Variants in TLE4 observed in about 807,000 individuals in gnomAD.
The protein encoded by TLE4 is transducin-like enhancer protein 4.
TLE4 carries 8 observed loss-of-function variants against 92.8 expected under a neutral mutation model. The observed-to-expected ratio is 0.09, with a 90% CI of 0.05 to 0.16. The LOEUF is 0.16. Among genes scored for constraint, TLE4 ranks in the 10% least tolerant of loss-of-function variants. TLE4 has a pLI of 1.00. For missense variants in TLE4, 675 were observed against 997.6 expected, an observed-to-expected ratio of 0.68 and a Z score of 4.36; for synonymous variants, 371 against 374.1, an observed-to-expected ratio of 0.99 and a Z score of 0.10.
At chr9:79,633,823 C>A (rs2054980522) in intron 6 of TLE4, among the ~76,000 whole-genome samples, 1 of 152,118 alleles carries the variant, frequency 6.6e-6, no homozygotes, top group Non-Finnish European at 1.5e-5. Flanking sequence ...GCTTTGTACC[C>A]CTCGAAGCTG....
At chr9:79,678,208 C>T (rs1169665864) in intron 8 of TLE4, among the ~76,000 whole-genome samples, 2 of 152,054 alleles carry the variant, frequency 1.3e-5, no homozygotes, top group African/African-American at 2.4e-5. Context: ...AAGTTATGTA[C>T]GTGAATCTGC....
At chr9:79,634,780 C>CTAT (rs1814900017) in intron 6 of TLE4, among the ~76,000 whole-genome samples, 1 of 152,188 alleles carries the variant, frequency 6.6e-6, no homozygotes, top group South Asian at 2.1e-4. Flanking sequence ...TTTTACTTAG[C>CTAT]ATAAGGCATT....
intron 8 of TLE4, among the ~76,000 whole-genome samples, chr9:79,666,996 A>G (rs547099604): frequency 6.6e-6 from 1 of 152,344 alleles, no homozygotes; most frequent in African/African-American, 2.4e-5. Context: ...ATTCTCAGGC[A>G]CTTTGGAGTT....
chr9:79,689,342 TAATC>T (rs1175255929), intron 8 of TLE4, among the ~76,000 whole-genome samples: 5 of 152,174 alleles, frequency 3.3e-5, no homozygotes, highest in African/African-American at 4.8e-5. Flanking sequence ...TTTTTTTTCT[TAATC>T]AGGCAGGGTT....
intron 4 of TLE4, among the ~76,000 whole-genome samples, chr9:79,591,944 T>C (rs548967138): frequency 6.6e-6 from 1 of 152,298 alleles, no homozygotes; most frequent in Admixed American, 6.5e-5. Context: ...CACCTTACTT[T>C]CATCTCTCCT....
At chr9:79,613,807 C>G (rs529986951) in intron 5 of TLE4, among the ~76,000 whole-genome samples, 1 of 152,154 alleles carries the variant, frequency 6.6e-6, no homozygotes, top group Non-Finnish European at 1.5e-5. Flanking sequence ...TGATTTTTTT[C>G]TTTGGTCTGG....
intron 4 of TLE4, among the ~76,000 whole-genome samples, chr9:79,595,094 C>T (rs558777846): frequency 1.6e-3 from 237 of 152,110 alleles, no homozygotes; most frequent in African/African-American, 5.6e-3. Flanking sequence ...TAAGCCTTCA[C>T]CCACCCTTAA....
At chr9:79,661,515 A>G (rs1295663493) in intron 8 of TLE4, among the ~76,000 whole-genome samples, 2 of 152,246 alleles carry the variant, frequency 1.3e-5, no homozygotes, top group Non-Finnish European at 2.9e-5. Flanking sequence ...AGGGTTGAAG[A>G]GAATTCAGGC....
chr9:79,646,314 T>C (rs1587762592), intron 6 of TLE4, among the ~76,000 whole-genome samples: 1 of 152,328 alleles, frequency 6.6e-6, no homozygotes, highest in Non-Finnish European at 1.5e-5. Flanking sequence ...GACTTAACCC[T>C]GTTGGGAAAC....
intron 5 of TLE4, among the ~76,000 whole-genome samples, chr9:79,615,358 G>A (rs770540214): frequency 1.3e-5 from 2 of 152,004 alleles, no homozygotes; most frequent in East Asian, 1.9e-4. Context: ...CTACCAAAAC[G>A]GCAGCTGCTG....
At chr9:79,594,734 A>G (rs1429828689) in intron 4 of TLE4, among the ~76,000 whole-genome samples, 1 of 152,118 alleles carries the variant, frequency 6.6e-6, no homozygotes, top group African/African-American at 2.4e-5. Flanking sequence ...TTCAACAGGT[A>G]CCCTCCCCAT....
chr9:79,655,436 A>C (rs2059644891), intron 8 of TLE4, among the ~76,000 whole-genome samples: 2 of 152,292 alleles, frequency 1.3e-5, no homozygotes, highest in South Asian at 4.1e-4. Flanking sequence ...GTCGTTTTAC[A>C]ATTAAAGGAA....
At chr9:79,607,815 T>C (rs955676196) in intron 4 of TLE4, among the ~76,000 whole-genome samples, 1 of 152,100 alleles carries the variant, frequency 6.6e-6, no homozygotes, top group African/African-American at 2.4e-5. Flanking sequence ...TGTAGTATAG[T>C]TTGAAATCAG....
intron 6 of TLE4, among the ~76,000 whole-genome samples, chr9:79,647,684 A>ATCTAGGCAC (rs1379953876): frequency 6.6e-6 from 1 of 152,244 alleles, no homozygotes; most frequent in African/African-American, 2.4e-5. Context: ...TGTGAGAAAT[A>ATCTAGGCAC]TCTAGGCACT....
In TLE4 at chr9:79,704,909, T is replaced by C. The variant is rs771584962; in HGVS notation, c.729+7T>C. On this transcript the variant is annotated splice_region_variant and intron_variant, in intron 9 of 19. Transcript: ENST00000376552. ...GGAAATTGCAGCTCGTTATGTAAGTTCATTCACCTTTGTGTTAGGGGAGGC... is the reference window on the plus strand; with the variant it reads ...GGAAATTGCAGCTCGTTATGTAAGTCCATTCACCTTTGTGTTAGGGGAGGC... The C allele has an allele frequency of 1.2e-6, 2 of 1,613,882 alleles. No homozygotes were observed. The highest frequency in any genetic ancestry group is 2.2e-5 in the South Asian group (2 of 91,044).
At chr9:79,708,380 C>A in intron 12 of TLE4, 130 bp downstream of exon 12, 1 of 1,227,212 alleles carries the variant, frequency 8.1e-7, no homozygotes, top group Non-Finnish European at 1.1e-6. Context: ...GTTACTTAAC[C>A]TGAACCGAGC....
At chr9:79,628,440 G>A (rs1454288788) in intron 6 of TLE4, among the ~76,000 whole-genome samples, 1 of 151,990 alleles carries the variant, frequency 6.6e-6, no homozygotes, top group Non-Finnish European at 1.5e-5. Context: ...CTGAAGTGAA[G>A]ATATTGCTTC....
chr9:79,628,688 G>C (rs935180979), intron 6 of TLE4, among the ~76,000 whole-genome samples: 19 of 152,082 alleles, frequency 1.2e-4, no homozygotes, highest in African/African-American at 4.3e-4. Flanking sequence ...GAAACAAGAG[G>C]CTGAATCAGA....
rs1380495926 is a variant in TLE4 at position 79,720,036 on chromosome 9, GTC to G, written c.1591-6_1591-5del. 1.3e-6 allele frequency: 2 copies of G among 1,586,346 alleles called. No homozygotes were observed. Among genetic ancestry groups the G allele is most frequent in the African/African-American group, 2.7e-5 (2 of 74,008 alleles). On this transcript the variant is annotated splice_polypyrimidine_tract_variant and splice_region_variant and intron_variant, in intron 15 of 19. Transcript: ENST00000376552. ...CATGAGTAATCTCTTGATGGTTTTT[GTC>G]TCTACAGAACAGGGATAACTACATC...
Sources: gnomAD v4.1 joint callset for allele counts (sites outside exome capture counted in the v4.1 genomes callset) on GRCh38, gnomAD v4.1.1 for gene constraint, MANE v1.5 for transcripts, NCBI Gene and HGNC (gene_info 2026-07-23, HGNC 2026-07-21) for gene names.